ASXL3: variants seen among roughly 807,000 people sequenced by gnomAD.
The protein encoded by ASXL3 is ASXL transcriptional regulator 3.
ASXL3 carries 34 observed loss-of-function variants against 170.6 expected under a neutral mutation model. That is an observed-to-expected ratio of 0.20 (90% confidence interval 0.15 to 0.27). ASXL3 has a LOEUF of 0.27. Ranked by LOEUF, ASXL3 falls within the 10% of genes least tolerant of loss-of-function variation. ASXL3 has a pLI of 1.00. For synonymous variants in ASXL3, 1,002 were observed against 989.1 expected (o/e 1.01, Z -0.24); for missense variants, 2,592 against 2,695.3 (o/e 0.96, Z 0.85).
At chr18:33,727,278 A>C (rs1246657027) in intron 8 of ASXL3, among the ~76,000 whole-genome samples, 1 of 152,096 alleles carries the variant, frequency 6.6e-6, no homozygotes, top group Non-Finnish European at 1.5e-5. Context: ...GAAACACAAA[A>C]TAAGAAAAAA....
At chr18:33,639,701 G>T (rs2065818414) in intron 2 of ASXL3, among the ~76,000 whole-genome samples, 1 of 152,078 alleles carries the variant, frequency 6.6e-6, no homozygotes, top group Admixed American at 6.6e-5. Context: ...TCCATTTAGT[G>T]AGTGTGGCTG....
At chr18:33,710,942 T>G (rs1230970381) in intron 8 of ASXL3, among the ~76,000 whole-genome samples, 1 of 152,172 alleles carries the variant, frequency 6.6e-6, no homozygotes, top group Non-Finnish European at 1.5e-5. Context: ...ATAAAATAAA[T>G]TTGCATACAA....
At chr18:33,667,813 T>C (rs1254125156) in intron 5 of ASXL3, among the ~76,000 whole-genome samples, 1 of 152,252 alleles carries the variant, frequency 6.6e-6, no homozygotes, top group African/African-American at 2.4e-5. Context: ...TTCACTAAAA[T>C]GTGGAATAAT....
chr18:33,681,455 G>T (rs1341641161), intron 7 of ASXL3, among the ~76,000 whole-genome samples: 2 of 152,032 alleles, frequency 1.3e-5, no homozygotes, highest in African/African-American at 4.8e-5. Flanking sequence ...TAGAGACATA[G>T]TTACAAATGA....
intron 5 of ASXL3, among the ~76,000 whole-genome samples, chr18:33,667,787 A>G (rs1413367086): frequency 4.6e-5 from 7 of 152,142 alleles, no homozygotes; most frequent in Admixed American, 3.3e-4. Flanking sequence ...TATTTCATGT[A>G]TTTCCTTGTC....
At chr18:33,583,384 C>T (rs1370739629) in intron 1 of ASXL3, among the ~76,000 whole-genome samples, 2 of 152,172 alleles carry the variant, frequency 1.3e-5, no homozygotes, top group African/African-American at 4.8e-5. Flanking sequence ...TTTTTAATCA[C>T]TAAAATTTCA....
At chr18:33,605,425 T>C (rs993009636) in intron 1 of ASXL3, 1 of 152,156 alleles carries the variant, frequency 6.6e-6, no homozygotes, top group Non-Finnish European at 1.5e-5. Flanking sequence ...CTCTGTTCTC[T>C]GTCTTGCAGG....
chr18:33,676,232 A>G lies in ASXL3; in HGVS notation c.715+4366A>G, dbSNP rs2066428660. On this transcript the variant is annotated intron_variant, in intron 7 of 11. Transcript: ENST00000269197. The stretch of plus-strand genomic sequence containing the variant: ...AGCGAGACTCCGTCTCAAAAAAAAA[A>G]AAAAAAAAAAAAAAATTATTCAGTC... Among the ~76,000 whole-genome samples the G allele has an allele frequency of 2.0e-5, 3 of 149,664 alleles. 1 individual carries two copies. The highest frequency in any genetic ancestry group is 2.0e-4 in the Admixed American group (3 of 14,996).
intron 11 of ASXL3, 82 bp from the exon 12 acceptor site, chr18:33,742,806 C>A: frequency 6.8e-7 from 1 of 1,469,740 alleles, no homozygotes; most frequent in Non-Finnish European, 9.0e-7. Context: ...CTAGTCTTTT[C>A]CCTTGCATTA....
At chr18:33,710,820 T>A (rs1369334480) in intron 8 of ASXL3, among the ~76,000 whole-genome samples, 3 of 152,160 alleles carry the variant, frequency 2.0e-5, no homozygotes, top group Non-Finnish European at 4.4e-5. Context: ...GCACTTTCAT[T>A]TCACTTGATC....
At chr18:33,629,237 G>A (rs943607984) in intron 2 of ASXL3, among the ~76,000 whole-genome samples, 1 of 152,090 alleles carries the variant, frequency 6.6e-6, no homozygotes, top group African/African-American at 2.4e-5. Flanking sequence ...TAGCTTTAGT[G>A]AGATATTGAT....
chr18:33,600,108 A>G (rs2065168582), intron 1 of ASXL3, among the ~76,000 whole-genome samples: 1 of 152,164 alleles, frequency 6.6e-6, no homozygotes, highest in Non-Finnish European at 1.5e-5. Context: ...AAGAATGTTC[A>G]GAGAAGGATG....
intron 4 of ASXL3, among the ~76,000 whole-genome samples, chr18:33,655,658 G>A (rs1472424294): frequency 6.6e-6 from 1 of 152,008 alleles, no homozygotes; most frequent in African/African-American, 2.4e-5. Flanking sequence ...GTTCAGGAAT[G>A]GTTTAATTGG....
At chr18:33,692,194 G>T (rs1941690) in intron 8 of ASXL3, among the ~76,000 whole-genome samples, 1 of 152,190 alleles carries the variant, frequency 6.6e-6, no homozygotes, top group Non-Finnish European at 1.5e-5. Context: ...AGGTAGCTTA[G>T]AACAGCATTT....
intron 5 of ASXL3, 124 bp from the exon 6 acceptor site, chr18:33,670,549 C>G: frequency 1.7e-6 from 1 of 596,016 alleles, no homozygotes; most frequent in Non-Finnish European, 2.7e-6. Context: ...AAATTAGGGG[C>G]TCTGTGGAAT....
rs1403181501 is a variant in ASXL3 at position 33,746,819 on chromosome 18, C to G, written c.*224C>G. 1.7e-5 allele frequency: 11 copies of G among 653,718 alleles called. No individual in the cohort carries two copies. The highest frequency in any genetic ancestry group is 1.5e-4 in the East Asian group (5 of 32,766). The allele number at this position is 653,718 out of a possible 1,614,324, so 40.5% of individuals were successfully genotyped here. On this transcript the variant is annotated 3_prime_UTR_variant, in exon 12 of 12. Transcript: ENST00000269197. ...GTCTTTTATGTGTTCAGTTGCCATT[C>G]CTAGCTTTGGAAAGTTTCTATCTGT...
chr18:33,739,614 C>T lies in ASXL3; in HGVS notation c.2210C>T (p.Thr737Ile). The T allele has an allele frequency of 6.2e-7, 1 of 1,613,962 alleles. No individual in the cohort carries two copies. Among genetic ancestry groups the T allele is most frequent in the Non-Finnish European group, 8.5e-7 (1 of 1,179,868 alleles). The change falls in exon 11 of 12, where the codon ACC becomes ATC. Residue 737 changes from threonine to isoleucine, a missense_variant. Around this residue, in one of 4 missense-constraint regions of ASXL3, gnomAD observed 2,246 missense variants for 2,219.6 expected, o/e 1.01. Coordinates refer to ENST00000269197, the MANE Select transcript of ASXL3 (RefSeq NM_030632.3). ...TCTTCAGTGTCTTCCATGCTTCTCA[C>T]CTCTGAGACCACTTTTGTATCCAGT... ...ETSSVSSMLL[T>I]SETTFVSSLP...
intron 8 of ASXL3, among the ~76,000 whole-genome samples, chr18:33,697,455 A>G (rs1194479429): frequency 6.6e-6 from 1 of 152,126 alleles, no homozygotes; most frequent in Admixed American, 6.6e-5. Context: ...GAGCTGGCAC[A>G]TGAGTGAATT....
intron 1 of ASXL3, among the ~76,000 whole-genome samples, chr18:33,587,669 T>C (rs1488295505): frequency 6.6e-6 from 1 of 152,110 alleles, no homozygotes; most frequent in Non-Finnish European, 1.5e-5. Flanking sequence ...AAATCCTTAC[T>C]ATCCTCAAAA....
Sources: gnomAD v4.1 joint callset for allele counts (sites outside exome capture counted in the v4.1 genomes callset) on GRCh38, gnomAD v4.1.1 for gene constraint, gnomAD v4.1.1 regional missense constraint, MANE v1.5 for transcripts, NCBI Gene and HGNC (gene_info 2026-07-23, HGNC 2026-07-21) for gene names.